Variants in SGCD observed in about 807,000 individuals in gnomAD.
SGCD encodes sarcoglycan delta, also known as delta-sarcoglycan.
Under a neutral mutation model 36.6 loss-of-function variants are expected in SGCD, and 18 were observed. The ratio of observed to expected loss-of-function variants is 0.49; its 90% CI spans 0.34 to 0.73. SGCD has a LOEUF of 0.73. SGCD is among the 30% of genes least tolerant of loss of function. The pLI, the probability that SGCD is intolerant of heterozygous loss-of-function variation, is 0.01. For missense variants in SGCD, 387 were observed against 346.7 expected (o/e 1.12, Z -0.92); for synonymous variants, 133 against 130.6 (o/e 1.02, Z -0.12).
At chr5:156,355,274 T>A (rs115983070) in intron 3 of SGCD, among the ~76,000 whole-genome samples, 6 of 152,336 alleles carry the variant, frequency 3.9e-5, no homozygotes, top group African/African-American at 1.4e-4. Flanking sequence ...CCAGGCACTT[T>A]CCAAGACCCA....
intron 1 of SGCD, among the ~76,000 whole-genome samples, chr5:155,944,385 G>A (rs1165574379): frequency 1.3e-5 from 2 of 152,126 alleles, no homozygotes; most frequent in Non-Finnish European, 1.5e-5. Flanking sequence ...CAATGACTAG[G>A]CATGTGCTGT....
Position 156,747,631 on chromosome 5 carries a change from T to C in SGCD, c.576-9950T>C, listed in dbSNP as rs116285476. The stretch of plus-strand genomic sequence containing the variant: ...AACATGGTAGCCGGCTTCCCTCAAA[T>C]TGAAAGAGTGAGAACAAGAGCCTAA... On this transcript the variant is annotated intron_variant, in intron 7 of 8. Transcript: ENST00000337851. Among the ~76,000 whole-genome samples the C allele has an allele frequency of 1.4e-3, 220 of 152,222 alleles. 2 individuals carry two copies. The highest frequency in any genetic ancestry group is 5.0e-3 in the African/African-American group (209 of 41,528).
At chr5:156,063,548 G>C (rs1561702295) in intron 1 of SGCD, among the ~76,000 whole-genome samples, 1 of 120,336 alleles carries the variant, frequency 8.3e-6, no homozygotes, top group African/African-American at 3.8e-5. Flanking sequence ...TCACGATATT[G>C]ATTCTTCCTA....
chr5:155,876,051 TA>T (rs368062891), intron 1 of SGCD, among the ~76,000 whole-genome samples: 2,345 of 151,266 alleles, frequency 0.016, 55 homozygotes, highest in African/African-American at 0.053. Flanking sequence ...TTTTTTTATT[TA>T]TTTTTTTTTA....
At chr5:156,313,580 G>A (rs1179932561) in intron 3 of SGCD, among the ~76,000 whole-genome samples, 1 of 152,050 alleles carries the variant, frequency 6.6e-6, no homozygotes, top group African/African-American at 2.4e-5. Context: ...ATATCCATAA[G>A]GGTAAAGTCT....
At chr5:155,956,109 G>GTTTTT (rs751766262) in intron 1 of SGCD, among the ~76,000 whole-genome samples, 1 of 116,736 alleles carries the variant, frequency 8.6e-6, no homozygotes, top group Non-Finnish European at 1.7e-5. Flanking sequence ...TGCTCTTCTT[G>GTTTTT]TTTTTTTTTT....
intron 3 of SGCD, among the ~76,000 whole-genome samples, chr5:156,280,738 C>T (rs1174059445): frequency 6.6e-6 from 1 of 152,140 alleles, no homozygotes; most frequent in East Asian, 1.9e-4. Flanking sequence ...CACAGGCAGT[C>T]CACAGAGGGG....
intron 1 of SGCD, among the ~76,000 whole-genome samples, chr5:156,109,102 A>G (rs1225816283): frequency 6.6e-6 from 1 of 152,170 alleles, no homozygotes; most frequent in Non-Finnish European, 1.5e-5. Context: ...CTTAACAAGC[A>G]GCTCATGAAA....
At chr5:155,892,200 G>A (rs1756148167) in intron 1 of SGCD, among the ~76,000 whole-genome samples, 1 of 152,150 alleles carries the variant, frequency 6.6e-6, no homozygotes, top group Non-Finnish European at 1.5e-5. Flanking sequence ...GCTCACGCCT[G>A]TAGTCCCAGC....
rs147762126 is a variant in SGCD, at chr5:156,004,267, T to C, written c.-281-113611T>C. Among the ~76,000 whole-genome samples the C allele has an allele frequency of 2.0e-3, 299 of 152,248 alleles. 1 individual carries two copies. The highest frequency in any genetic ancestry group is 6.2e-3 in the African/African-American group (257 of 41,540). ...TATTTATGTTTGGGGGGGATAAGTA[T>C]TATCCAAAATGTACCCAACATTTGT... On this transcript the variant is annotated intron_variant, in intron 1 of 9. Transcript: ENST00000517913.
At chr5:156,155,906 C>G (rs1762950701) in intron 3 of SGCD, among the ~76,000 whole-genome samples, 1 of 151,696 alleles carries the variant, frequency 6.6e-6, no homozygotes, top group African/African-American at 2.4e-5. Flanking sequence ...CAGCACACCT[C>G]TGAGATAAGA....
At chr5:156,163,584 C>G (rs973995842) in intron 3 of SGCD, among the ~76,000 whole-genome samples, 7 of 151,506 alleles carry the variant, frequency 4.6e-5, no homozygotes, top group Non-Finnish European at 1.0e-4. Flanking sequence ...TCTTTTCTGT[C>G]CTGAGGTAGT....
chr5:155,778,936 C>A, the SGCD span, among the ~76,000 whole-genome samples: 1 of 152,104 alleles, frequency 6.6e-6, no homozygotes, highest in African/African-American at 2.4e-5. Context: ...TTAAGAATTT[C>A]TGAAATAAAG....
At chr5:156,625,131 A>T (rs2113512768) in intron 6 of SGCD, among the ~76,000 whole-genome samples, 1 of 152,318 alleles carries the variant, frequency 6.6e-6, no homozygotes, top group Non-Finnish European at 1.5e-5. Context: ...GCTAGGAACA[A>T]GCCCCCTCCC....
At chr5:156,584,987 G>T (rs1760434012) in intron 4 of SGCD, among the ~76,000 whole-genome samples, 1 of 152,286 alleles carries the variant, frequency 6.6e-6, no homozygotes, top group Admixed American at 6.5e-5. Context: ...TAGAAAAGCT[G>T]GCAGTCCCCT....
intron 7 of SGCD, among the ~76,000 whole-genome samples, chr5:156,735,476 C>T (rs1290257997): frequency 6.6e-6 from 1 of 152,110 alleles, no homozygotes; most frequent in African/African-American, 2.4e-5. Flanking sequence ...GAGGTTCTTC[C>T]CTGTGAAGAG....
At chr5:156,722,152 G>A (rs1029799446) in intron 7 of SGCD, among the ~76,000 whole-genome samples, 1 of 152,178 alleles carries the variant, frequency 6.6e-6, no homozygotes, top group African/African-American at 2.4e-5. Context: ...GACTAACTCA[G>A]AAGCCCACAG....
chr5:156,280,719 T>G (rs1766432543), intron 3 of SGCD, among the ~76,000 whole-genome samples: 1 of 152,194 alleles, frequency 6.6e-6, no homozygotes, highest in African/African-American at 2.4e-5. Flanking sequence ...TTTACATAGT[T>G]AGTACAAGCA....
the SGCD span, among the ~76,000 whole-genome samples, chr5:155,752,520 C>G: frequency 3.3e-5 from 5 of 152,196 alleles, no homozygotes; most frequent in Non-Finnish European, 7.4e-5. Context: ...TTGATACCTA[C>G]TCTTTCTTTA....
Sources: gnomAD v4.1 joint callset for allele counts (sites outside exome capture counted in the v4.1 genomes callset) on GRCh38, gnomAD v4.1.1 for gene constraint, MANE v1.5 for transcripts, NCBI Gene and HGNC (gene_info 2026-07-23, HGNC 2026-07-21) for gene names.